CLSTN2: variants seen among roughly 807,000 people sequenced by gnomAD.
CLSTN2 encodes the protein calsyntenin-2.
CLSTN2 carries 48 observed loss-of-function variants against 101.2 expected under a neutral mutation model. That is an observed-to-expected ratio of 0.47 (90% CI 0.38 to 0.60). The LOEUF is 0.60. CLSTN2 is among the 20% of genes least tolerant of loss of function. The pLI is 0.00. For synonymous variants in CLSTN2, 481 were observed against 463.6 expected (o/e 1.04, Z -0.48); for missense variants, 1,160 against 1,238.2 (o/e 0.94, Z 0.95).
intron 8 of CLSTN2, among the ~76,000 whole-genome samples, chr3:140,511,054 C>A (rs144842815): frequency 1.3e-5 from 2 of 152,188 alleles, no homozygotes; most frequent in East Asian, 3.8e-4. Context: ...CTGTTCCCCC[C>A]ACCATGTGTG....
intron 2 of CLSTN2, among the ~76,000 whole-genome samples, chr3:140,370,430 G>A (rs933500745): frequency 1.3e-4 from 20 of 152,086 alleles, no homozygotes; most frequent in African/African-American, 4.6e-4. Flanking sequence ...GATTTTTCAC[G>A]CAACACAGCG....
At chr3:139,948,953 T>G (rs905861561) in intron 1 of CLSTN2, among the ~76,000 whole-genome samples, 2 of 152,146 alleles carry the variant, frequency 1.3e-5, no homozygotes, top group African/African-American at 4.8e-5. Flanking sequence ...TCTCCACACT[T>G]GCCCCTCTCA....
intron 8 of CLSTN2, among the ~76,000 whole-genome samples, chr3:140,513,699 C>T (rs1934861892): frequency 7.0e-6 from 1 of 143,134 alleles, no homozygotes; most frequent in Non-Finnish European, 1.5e-5. Flanking sequence ...GGAATAGTTT[C>T]AGTAGGAATG....
At chr3:140,038,646 A>G (rs1355307252) in intron 1 of CLSTN2, among the ~76,000 whole-genome samples, 2 of 152,066 alleles carry the variant, frequency 1.3e-5, no homozygotes, top group African/African-American at 2.4e-5. Context: ...ATACATACCC[A>G]CAATGTCATT....
chr3:139,977,648 C>A (rs1935842012), intron 1 of CLSTN2, among the ~76,000 whole-genome samples: 1 of 146,186 alleles, frequency 6.8e-6, no homozygotes, highest in African/African-American at 2.5e-5. Flanking sequence ...CTCCTTTGTT[C>A]ATACTGACTT....
At chr3:140,298,731 G>T (rs1452575564) in intron 2 of CLSTN2, among the ~76,000 whole-genome samples, 2 of 152,136 alleles carry the variant, frequency 1.3e-5, no homozygotes, top group Non-Finnish European at 2.9e-5. Context: ...TGTCCAGTGG[G>T]GCAGCAACTG....
chr3:139,961,437 C>T (rs1935509434), intron 1 of CLSTN2, among the ~76,000 whole-genome samples: 1 of 152,154 alleles, frequency 6.6e-6, no homozygotes, highest in Non-Finnish European at 1.5e-5. Context: ...AAGACCTCAC[C>T]TCTGTCTTCA....
At chr3:139,988,101 G>T (rs1312607090) in intron 1 of CLSTN2, among the ~76,000 whole-genome samples, 1 of 152,226 alleles carries the variant, frequency 6.6e-6, no homozygotes, top group Non-Finnish European at 1.5e-5. Context: ...TGGGAATGCT[G>T]CTTTTGGGAC....
chr3:140,185,675 G>A (rs1485970587), intron 2 of CLSTN2, among the ~76,000 whole-genome samples: 3 of 152,010 alleles, frequency 2.0e-5, no homozygotes, highest in Admixed American at 6.6e-5. Flanking sequence ...AAGGATGGGG[G>A]TGCAGGGCAG....
intron 2 of CLSTN2, among the ~76,000 whole-genome samples, chr3:140,195,857 T>G (rs1444075303): frequency 6.6e-6 from 1 of 152,218 alleles, no homozygotes; most frequent in Non-Finnish European, 1.5e-5. Flanking sequence ...GTGCTTTTCC[T>G]ATCCCACATT....
At chr3:140,301,919 A>T (rs890182714) in intron 2 of CLSTN2, among the ~76,000 whole-genome samples, 1 of 151,784 alleles carries the variant, frequency 6.6e-6, no homozygotes, top group Non-Finnish European at 1.5e-5. Context: ...TTTTTTTGGA[A>T]AAGAGTCTTT....
chr3:140,108,531 G>C (rs955789585), intron 1 of CLSTN2, among the ~76,000 whole-genome samples: 2 of 152,224 alleles, frequency 1.3e-5, no homozygotes, highest in Admixed American at 6.5e-5. Flanking sequence ...AAGTCCCATT[G>C]AATTTTTTAT....
intron 1 of CLSTN2, among the ~76,000 whole-genome samples, chr3:139,978,167 C>T (rs1935852718): frequency 6.6e-6 from 1 of 152,148 alleles, no homozygotes; most frequent in Non-Finnish European, 1.5e-5. Flanking sequence ...CTCCTCTCTG[C>T]AATAGTTCAA....
chr3:140,167,146 A>G (rs528718992), intron 1 of CLSTN2, among the ~76,000 whole-genome samples: 15 of 152,302 alleles, frequency 9.8e-5, no homozygotes, highest in African/African-American at 3.6e-4. Context: ...CTCCTGGATA[A>G]TTTCTGTACA....
chr3:140,108,053 C>T (rs1056290801), intron 1 of CLSTN2, among the ~76,000 whole-genome samples: 1 of 152,196 alleles, frequency 6.6e-6, no homozygotes, highest in African/African-American at 2.4e-5. Flanking sequence ...GAAAGAGTGG[C>T]CTGTTGTGTT....
At chr3:140,290,351 T>C (rs1315883519) in intron 2 of CLSTN2, among the ~76,000 whole-genome samples, 1 of 152,166 alleles carries the variant, frequency 6.6e-6, no homozygotes, top group Non-Finnish European at 1.5e-5. Context: ...CCTCCAGGGA[T>C]CTTCCCATCC....
intron 1 of CLSTN2, among the ~76,000 whole-genome samples, chr3:140,146,799 C>A (rs955766534): frequency 9.2e-5 from 14 of 152,142 alleles, no homozygotes; most frequent in African/African-American, 3.4e-4. Context: ...GCCACCATCC[C>A]CTCCTTCCTC....
intron 1 of CLSTN2, among the ~76,000 whole-genome samples, chr3:140,074,559 G>A (rs1397326123): frequency 6.6e-5 from 10 of 152,154 alleles, no homozygotes; most frequent in Non-Finnish European, 1.3e-4. Flanking sequence ...TAACAGAGGT[G>A]TAAAAATAAT....
At chr3:140,171,354 A>G (rs977361355) in intron 1 of CLSTN2, among the ~76,000 whole-genome samples, 17 of 152,068 alleles carry the variant, frequency 1.1e-4, no homozygotes, top group African/African-American at 3.1e-4. Context: ...ATAGCAAGGC[A>G]TATGTCCCTG....
Sources: allele counts gnomAD v4.1 joint callset (sites outside exome capture counted in the v4.1 genomes callset), GRCh38; gene constraint gnomAD v4.1.1; transcripts MANE v1.5; gene names NCBI Gene and HGNC (gene_info 2026-07-23, HGNC 2026-07-21).